ANKRD11: variants seen among roughly 807,000 people sequenced by gnomAD.
ANKRD11 encodes the protein ankyrin repeat domain 11, also known as ankyrin repeat domain-containing protein 11.
In ANKRD11, 17 loss-of-function variants were observed where a neutral mutation model predicts 195.7. The observed-to-expected ratio is 0.09, with a 90% CI of 0.06 to 0.13. The LOEUF is 0.13. ANKRD11 is among the 10% of genes least tolerant of loss of function. ANKRD11 has a pLI of 1.00. For synonymous variants in ANKRD11, 1,953 were observed against 1,528.1 expected, an observed-to-expected ratio of 1.28 and a Z score of -6.49; for missense variants, 3,735 against 3,566.1, an observed-to-expected ratio of 1.05 and a Z score of -1.21.
rs926985506 is a variant in ANKRD11 at position 89,280,351 on chromosome 16, G to A, written c.6191C>T (p.Ser2064Phe). The change falls in exon 9 of 13, where the codon TCC becomes TTC. Residue 2064 changes from serine (S) to phenylalanine (F), a missense_variant. Coordinates refer to ENST00000301030, the MANE Select transcript of ANKRD11 (RefSeq NM_013275.6). ...APYAPPSGLE[S>F]FFSNCKSLPE... ...AAGTGACTTGCAGTTGCTGAAGAAG[G>A]ACTCCAGCCCGGAGGGAGGGGCGTA... 3.2e-6 allele frequency: 5 copies of A among 1,574,218 alleles called. No homozygotes were observed. Among genetic ancestry groups the A allele is most frequent in the East Asian group, 2.3e-5 (1 of 44,402 alleles).
At chr16:89,364,898 C>T (rs750536201) in intron 2 of ANKRD11, among the ~76,000 whole-genome samples, 2 of 152,216 alleles carry the variant, frequency 1.3e-5, no homozygotes, top group Non-Finnish European at 2.9e-5. Context: ...AGGGAAAAGC[C>T]TCATCGAATG....
chr16:89,388,278 C>T (rs912729911), intron 2 of ANKRD11, among the ~76,000 whole-genome samples: 1 of 141,634 alleles, frequency 7.1e-6, no homozygotes, highest in Non-Finnish European at 1.5e-5. Context: ...GTGCTCTCTT[C>T]TCTCCATGAG....
In ANKRD11 at chr16:89,284,474, C is replaced by T. The variant is rs751750670; in HGVS notation, c.2068G>A (p.Asp690Asn). Residue 690 changes from aspartate (D) to asparagine (N), a missense_variant, in exon 9 of 13, where the codon GAT becomes AAT. Asp to Asn is a conservative substitution (Grantham distance 23). Coordinates refer to ENST00000301030, the MANE Select transcript of ANKRD11 (RefSeq NM_013275.6). ...TCTTCTTTTTTAAAGTGGTCGCGAT[C>T]GTGCTTTAACACTTTTAGCTTGTTT... ...TENKLKVLKHDRDHFKKEEKL... is the reference protein window; with the variant it reads ...TENKLKVLKHNRDHFKKEEKL... The T allele has an allele frequency of 3.1e-6, 5 of 1,614,030 alleles. No homozygotes were observed. The highest frequency in any genetic ancestry group is 1.3e-5 in the African/African-American group (1 of 75,022).
intron 4 of ANKRD11, among the ~76,000 whole-genome samples, chr16:89,303,418 C>T (rs1376027164): frequency 1.3e-5 from 2 of 152,220 alleles, no homozygotes; most frequent in African/African-American, 4.8e-5. Flanking sequence ...CACCCAGGCC[C>T]TCCCTTCTGG....
At position 89,286,259 on chromosome 16, in the gene ANKRD11, C is replaced by T. The variant is rs151173347; in HGVS notation, c.745-73G>A. On this transcript the variant is annotated intron_variant, in intron 7 of 12. Transcript: ENST00000301030. ...TCCTCTACCGTTCCGCATAACACGGCAGCCCCTTCCGAGAACCCTGGGGTT... is the reference window on the plus strand; with the variant it reads ...TCCTCTACCGTTCCGCATAACACGGTAGCCCCTTCCGAGAACCCTGGGGTT... 5.0e-6 allele frequency: 8 copies of T among 1,591,262 alleles called. No individual in the cohort carries two copies. The East Asian group carries it at 1.3e-4, about 27-fold the overall frequency.
chr16:89,442,990 T>A (rs1179413112), intron 1 of ANKRD11, among the ~76,000 whole-genome samples: 2 of 152,190 alleles, frequency 1.3e-5, no homozygotes, highest in African/African-American at 2.4e-5. Context: ...AAGTATTTCA[T>A]TTTTTTCTTC....
At chr16:89,462,398 T>C (rs1328887792) in intron 1 of ANKRD11, among the ~76,000 whole-genome samples, 2 of 152,200 alleles carry the variant, frequency 1.3e-5, no homozygotes, top group African/African-American at 4.8e-5. Context: ...TGGAGTGCAG[T>C]GGCATGATCT....
chr16:89,322,687 G>C (rs1402689386), intron 2 of ANKRD11, among the ~76,000 whole-genome samples: 1 of 150,804 alleles, frequency 6.6e-6, no homozygotes, highest in Non-Finnish European at 1.5e-5. Flanking sequence ...GGAGGGTGGG[G>C]AAGGGGGAGT....
chr16:89,488,814 C>T (rs147499671), intron 1 of ANKRD11, among the ~76,000 whole-genome samples: 9 of 152,304 alleles, frequency 5.9e-5, no homozygotes, highest in African/African-American at 2.2e-4. Context: ...CTAATGACTG[C>T]ATAAAACTCT....
At chr16:89,404,239 C>A (rs146654264) in intron 2 of ANKRD11, among the ~76,000 whole-genome samples, 1 of 152,228 alleles carries the variant, frequency 6.6e-6, no homozygotes, top group Non-Finnish European at 1.5e-5. Context: ...ACTGTAGAAC[C>A]CTGTTCTAGT....
intron 4 of ANKRD11, chr16:89,301,361 A>T: frequency 2.5e-6 from 1 of 393,836 alleles, no homozygotes; most frequent in Non-Finnish European, 4.5e-6. Context: ...ATATAATTTA[A>T]TATGAATGCT....
chr16:89,326,409 C>A (rs2037723295), intron 2 of ANKRD11, among the ~76,000 whole-genome samples: 2 of 151,212 alleles, frequency 1.3e-5, no homozygotes, highest in Non-Finnish European at 2.9e-5. Context: ...AAGGTGCACA[C>A]CACTCAGCAA....
chr16:89,314,468 G>A (rs560861038), intron 3 of ANKRD11, among the ~76,000 whole-genome samples: 46 of 152,174 alleles, frequency 3.0e-4, no homozygotes, highest in Middle Eastern at 3.4e-3. Context: ...ACACATCAGC[G>A]CTGGGGCTGC....
intron 9 of ANKRD11, among the ~76,000 whole-genome samples, chr16:89,275,652 C>T (rs781117418): frequency 6.6e-5 from 10 of 152,134 alleles, no homozygotes; most frequent in East Asian, 1.9e-4. Context: ...AGCTGACAAC[C>T]GAGCCGGTGG....
At chr16:89,463,241 G>T (rs887219350) in intron 1 of ANKRD11, among the ~76,000 whole-genome samples, 1 of 152,244 alleles carries the variant, frequency 6.6e-6, no homozygotes. Flanking sequence ...AGCGGGGAAA[G>T]GTGGGGAAAA....
chr16:89,275,233 G>A, intron 9 of ANKRD11, 42 bp from the exon 10 acceptor site: 4 of 1,522,768 alleles, frequency 2.6e-6, no homozygotes, highest in Non-Finnish European at 3.6e-6. Flanking sequence ...CTGGGGCTGT[G>A]GAACTGCACG....
chr16:89,344,691 C>T (rs1435197471), intron 2 of ANKRD11, among the ~76,000 whole-genome samples: 8 of 152,142 alleles, frequency 5.3e-5, no homozygotes, highest in Admixed American at 2.0e-4. Flanking sequence ...GCTGCCGACA[C>T]CTTCAGACTG....
chr16:89,406,256 C>A (rs2041901791), intron 2 of ANKRD11, among the ~76,000 whole-genome samples: 1 of 152,168 alleles, frequency 6.6e-6, no homozygotes, highest in South Asian at 2.1e-4. Context: ...TCGGCACCCA[C>A]ACGTGCTGGT....
chr16:89,272,209 G>C (rs1367761847), intron 11 of ANKRD11: 1 of 152,174 alleles, frequency 6.6e-6, no homozygotes, highest in Non-Finnish European at 1.5e-5. Context: ...CTTCACCCCG[G>C]TTAAAATAGC....
Sources: allele counts gnomAD v4.1 joint callset (sites outside exome capture counted in the v4.1 genomes callset), GRCh38; gene constraint gnomAD v4.1.1; transcripts MANE v1.5; gene names NCBI Gene and HGNC (gene_info 2026-07-23, HGNC 2026-07-21).